Variants in GFPT1 observed in about 807,000 individuals in gnomAD.
GFPT1 encodes the protein glutamine--fructose-6-phosphate aminotransferase [isomerizing] 1.
In GFPT1, 40 loss-of-function variants were observed where a neutral mutation model predicts 92.0. That is an observed-to-expected ratio of 0.43 (90% CI 0.34 to 0.57). The LOEUF (loss-of-function observed/expected upper bound fraction) is 0.57, where lower values mean the gene tolerates loss of function less well. GFPT1 is among the 20% of genes least tolerant of loss of function. The probability of loss-of-function intolerance (pLI) is 0.02; values close to 1 mark genes in which losing one functional copy is unlikely to be tolerated. For missense variants in GFPT1, 448 were observed against 869.1 expected (o/e 0.52, Z 6.09); for synonymous variants, 269 against 280.6 (o/e 0.96, Z 0.41).
In GFPT1 at chr2:69,326,066, A is replaced by T. The variant is rs1413313985; in HGVS notation, c.*123T>A. 6.1e-6 allele frequency: 4 copies of T among 660,328 alleles called. No homozygotes were observed. In the East Asian group the frequency reaches 1.1e-4, roughly 18 times the overall value. The allele number at this position is 660,328 out of a possible 1,614,324, so 40.9% of individuals were successfully genotyped here. On this transcript the variant is annotated 3_prime_UTR_variant, in exon 20 of 20. Transcript: ENST00000357308. ...ATTGAGTGGAATAATTATAACTGAT[A>T]TATAAATAAGGATTTACTAAAAAAA...
chr2:69,354,946 G>C (rs184618131), intron 7 of GFPT1, among the ~76,000 whole-genome samples: 18 of 152,302 alleles, frequency 1.2e-4, no homozygotes, highest in Non-Finnish European at 2.5e-4. Flanking sequence ...GAAGGTTGGA[G>C]TGAGCCAAGA....
At chr2:69,341,263 CT>C (rs2104622639) in intron 13 of GFPT1, among the ~76,000 whole-genome samples, 1 of 152,130 alleles carries the variant, frequency 6.6e-6, no homozygotes, top group East Asian at 1.9e-4. Context: ...AAAACAATCA[CT>C]TTTTTAGACC....
chr2:69,345,853 C>A (rs1364508377), intron 12 of GFPT1, 51 bp downstream of exon 12: 3 of 1,013,336 alleles, frequency 3.0e-6, no homozygotes, highest in Admixed American at 1.7e-5. Context: ...GTTAATGGCA[C>A]CTCCTACTGT....
chr2:69,356,733 A>G (rs1671346950), intron 6 of GFPT1, among the ~76,000 whole-genome samples, 176 bp from the exon 7 acceptor site: 1 of 130,376 alleles, frequency 7.7e-6, no homozygotes, highest in Non-Finnish European at 1.6e-5. Flanking sequence ...GGTGTATCCA[A>G]GACCCACATT....
chr2:69,324,847 TACTC>T lies in GFPT1; in HGVS notation c.*1338_*1341del, dbSNP rs1670493071. On this transcript the variant is annotated 3_prime_UTR_variant, in exon 20 of 20. Coordinates refer to ENST00000357308, the MANE Select transcript of GFPT1 (RefSeq NM_001244710.2). ...CAGAAAAGCTCCATTAAGAAATTAT[TACTC>T]ACAATTTTGGGGGTATCAAATAATA... 6.6e-6 allele frequency: 1 copy of T among 152,204 alleles called. No homozygotes were observed. Among genetic ancestry groups the T allele is most frequent in the Non-Finnish European group, 1.5e-5 (1 of 68,028 alleles). The allele number at this position is 152,204 out of a possible 1,614,324, so 9.4% of individuals were successfully genotyped here. A position where few individuals can be genotyped will look rare whatever the true frequency, so the allele number is the denominator to read the frequency against.
At chr2:69,382,435 C>G (rs2104703481) in intron 1 of GFPT1, among the ~76,000 whole-genome samples, 1 of 152,286 alleles carries the variant, frequency 6.6e-6, no homozygotes, top group Middle Eastern at 3.4e-3. Flanking sequence ...CCAAAATCCT[C>G]TTCTTTTTCA....
At chr2:69,378,203 G>A (rs368149444) in intron 1 of GFPT1, among the ~76,000 whole-genome samples, 12 of 152,076 alleles carry the variant, frequency 7.9e-5, no homozygotes, top group African/African-American at 2.7e-4. Context: ...ATGGGGTTTC[G>A]CCATGTTGGC....
rs1280273416 is a variant in GFPT1, at chr2:69,321,875, T to A, written c.*4314A>T. 2.6e-5 allele frequency: 4 copies of A among 152,208 alleles called. No individual in the cohort carries two copies. The highest frequency in any genetic ancestry group is 5.9e-5 in the Non-Finnish European group (4 of 68,022). The allele number at this position is 152,208 out of a possible 1,614,324, so 9.4% of individuals were successfully genotyped here. ...AATTACATAACATTTTGATGTCAAG[T>A]TATTACAGACTTAAAAGTTAATATA... On this transcript the variant is annotated 3_prime_UTR_variant, in exon 20 of 20. Transcript: ENST00000357308.
rs931681479 is a variant in GFPT1, at chr2:69,365,428, T to C, written c.224-1758A>G. Among the ~76,000 whole-genome samples, 8 of 152,016 alleles carry C rather than the reference T, an allele frequency of 5.3e-5. No homozygotes were observed. In the South Asian group the frequency reaches 1.0e-3, roughly 20 times the overall value. The stretch of plus-strand genomic sequence containing the variant: ...GGGAAGCTGCAGTGAGCTGAGATCA[T>C]GCCACTGCCCTCCAGCCTGGGCGAA... On this transcript the variant is annotated intron_variant, in intron 3 of 19. Transcript: ENST00000357308.
intron 12 of GFPT1, among the ~76,000 whole-genome samples, chr2:69,344,349 T>A (rs1393536330): frequency 6.6e-6 from 1 of 152,206 alleles, no homozygotes; most frequent in Non-Finnish European, 1.5e-5. Flanking sequence ...ATAGTTGGGA[T>A]AGTTCTGAAA....
chr2:69,377,229 A>G (rs1671894025), intron 1 of GFPT1, among the ~76,000 whole-genome samples: 2 of 140,154 alleles, frequency 1.4e-5, no homozygotes, highest in African/African-American at 5.4e-5. Context: ...AAAAAAAAAG[A>G]TTAAGTAATG....
chr2:69,346,652 A>G (rs1442837953), intron 11 of GFPT1, among the ~76,000 whole-genome samples: 2 of 152,196 alleles, frequency 1.3e-5, no homozygotes, highest in Non-Finnish European at 2.9e-5. Context: ...ATTACTTCAC[A>G]GTATGGATTG....
rs539920132 is a variant in GFPT1 at position 69,338,114 on chromosome 2, T to C, written c.1325-59A>G. 3.3e-6 allele frequency: 5 copies of C among 1,497,022 alleles called. No individual in the cohort carries two copies. In the African/African-American group the frequency reaches 4.1e-5, roughly 12 times the overall value. The allele number at this position is 1,497,022 out of a possible 1,614,324, so 92.7% of individuals were successfully genotyped here. The stretch of plus-strand genomic sequence containing the variant: ...AACAGTTTTAACATATGCTGTTTCT[T>C]AGGAGCAAAAACAAATTGACCACAC... On this transcript the variant is annotated intron_variant, in intron 14 of 19. Coordinates refer to ENST00000357308, the MANE Select transcript of GFPT1 (RefSeq NM_001244710.2).
chr2:69,329,165 C>A (rs1670600530), intron 17 of GFPT1, 132 bp downstream of exon 17: 1 of 887,760 alleles, frequency 1.1e-6, no homozygotes, highest in Non-Finnish European at 1.8e-6. Flanking sequence ...TCAAAGTAAA[C>A]AAACCACAAT....
intron 1 of GFPT1, among the ~76,000 whole-genome samples, chr2:69,381,191 C>G (rs563300245): frequency 2.7e-4 from 41 of 152,336 alleles, no homozygotes; most frequent in African/African-American, 9.4e-4. Flanking sequence ...CCACGCTGGC[C>G]AGGCTGGTCT....
chr2:69,347,731 C>A (rs575651186), intron 11 of GFPT1, among the ~76,000 whole-genome samples: 1 of 152,138 alleles, frequency 6.6e-6, no homozygotes, highest in Non-Finnish European at 1.5e-5. Context: ...GATCTGCCCA[C>A]CTCGGCCTCC....
chr2:69,360,729 C>CCAAAATG (rs1671453128), intron 4 of GFPT1, among the ~76,000 whole-genome samples: 2 of 152,002 alleles, frequency 1.3e-5, no homozygotes, highest in South Asian at 4.1e-4. Flanking sequence ...CTATGCCAGG[C>CCAAAATG]CAAAATGTTC....
Position 69,326,117 on chromosome 2 carries a change from C to T in GFPT1, c.*72G>A. ...GGCTTCAAGGGGTGATATTTTAAAT[C>T]AAGGTTTTAAATACAAAAGGTGTCT... On this transcript the variant is annotated 3_prime_UTR_variant, in exon 20 of 20. Coordinates refer to ENST00000357308, the MANE Select transcript of GFPT1 (RefSeq NM_001244710.2). 1 of 980,670 alleles carries T rather than the reference C, an allele frequency of 1.0e-6. No individual in the cohort carries two copies. Among genetic ancestry groups the T allele is most frequent in the Non-Finnish European group, 1.6e-6 (1 of 623,152 alleles). 60.7% of individuals were successfully genotyped at this position (980,670 alleles called of 1,614,324 possible). A position where few individuals can be genotyped will look rare whatever the true frequency, so the allele number is the denominator to read the frequency against.
In GFPT1 at chr2:69,382,400, T is replaced by C. The variant is rs1169705926; in HGVS notation, c.7+4665A>G. Among the ~76,000 whole-genome samples, 4 of 152,182 alleles carry C rather than the reference T, an allele frequency of 2.6e-5. No homozygotes were observed. In the South Asian group the frequency reaches 6.2e-4, roughly 24 times the overall value. Reference sequence around the variant, plus strand: ...AACCACAGCTCTAGAATTCAACTTCTCAACACTCCCAGGGGACCTCAATCC... The same window carrying C: ...AACCACAGCTCTAGAATTCAACTTCCCAACACTCCCAGGGGACCTCAATCC... On this transcript the variant is annotated intron_variant, in intron 1 of 19. Coordinates refer to ENST00000357308, the MANE Select transcript of GFPT1 (RefSeq NM_001244710.2).
Sources: gnomAD v4.1 joint callset for allele counts (sites outside exome capture counted in the v4.1 genomes callset) on GRCh38, gnomAD v4.1.1 for gene constraint, MANE v1.5 for transcripts, NCBI Gene and HGNC (gene_info 2026-07-23, HGNC 2026-07-21) for gene names.